Variants in RHBDL2 observed in about 807,000 individuals in gnomAD.
RHBDL2 encodes the protein rhomboid like 2, also known as rhomboid-related protein 2.
A neutral mutation model predicts 31.7 loss-of-function variants in RHBDL2; 26 were observed. The observed-to-expected ratio is 0.82, with a 90% CI of 0.60 to 1.14. The LOEUF (loss-of-function observed/expected upper bound fraction) is 1.14, where lower values mean the gene tolerates loss of function less well. Among genes scored for constraint, RHBDL2 ranks in the 50% most tolerant of loss-of-function variants. The pLI is 0.00. For missense variants in RHBDL2, 336 were observed against 364.4 expected (o/e 0.92, Z 0.63); for synonymous variants, 123 against 127.2 (o/e 0.97, Z 0.22).
chr1:38,921,009 C>G (rs965278769), intron 1 of RHBDL2, among the ~76,000 whole-genome samples: 2 of 152,138 alleles, frequency 1.3e-5, no homozygotes, highest in Admixed American at 6.5e-5. Context: ...CTATGTTTAA[C>G]TTGTTGGGAA....
At chr1:38,929,312 C>T (rs1557623443) in intron 1 of RHBDL2, 4 of 999,708 alleles carry the variant, frequency 4.0e-6, no homozygotes, top group South Asian at 1.4e-5. Flanking sequence ...ACTGCTACGA[C>T]GAGGACTCTA....
At chr1:38,891,050 C>G (rs1642847036) in intron 6 of RHBDL2, among the ~76,000 whole-genome samples, 1 of 151,936 alleles carries the variant, frequency 6.6e-6, no homozygotes, top group African/African-American at 2.4e-5. Flanking sequence ...GAGTGGATCA[C>G]CTGAGGTCAG....
At chr1:38,917,948 TG>T (rs1229604918) in intron 2 of RHBDL2, among the ~76,000 whole-genome samples, 1 of 152,196 alleles carries the variant, frequency 6.6e-6, no homozygotes, top group East Asian at 1.9e-4. Context: ...ATACTGTGGG[TG>T]AGCCTTGTCT....
At chr1:38,902,931 T>G (rs1457475036) in intron 4 of RHBDL2, among the ~76,000 whole-genome samples, 5 of 152,170 alleles carry the variant, frequency 3.3e-5, no homozygotes, top group Admixed American at 3.3e-4. Context: ...AAATAACACA[T>G]TTTAAATAAC....
intron 1 of RHBDL2, chr1:38,927,037 G>C (rs963788048): frequency 1.3e-5 from 2 of 152,142 alleles, no homozygotes; most frequent in African/African-American, 4.8e-5. Context: ...AGAAAGGGAG[G>C]GAAAGAGACA....
rs111588024 is a variant in RHBDL2, at chr1:38,906,904, A to G, written c.508+4418T>C. ...AGCAAGAATTTCTATAGCTATAAAC[A>G]GAATTATTCTAACGCTTATATGGAA... is the stretch of plus-strand genomic sequence containing the variant. On this transcript the variant is annotated intron_variant, in intron 4 of 7. Transcript: ENST00000372990. Among the ~76,000 whole-genome samples, 37 of 152,334 alleles carry G rather than the reference A, an allele frequency of 2.4e-4. 1 individual carries two copies. The East Asian group carries it at 7.1e-3, about 29-fold the overall frequency.
At chr1:38,940,873 C>A (rs1475654741) in intron 1 of RHBDL2, among the ~76,000 whole-genome samples, 1 of 151,960 alleles carries the variant, frequency 6.6e-6, no homozygotes, top group African/African-American at 2.4e-5. Flanking sequence ...GCAGCCTGGG[C>A]AAGGTAGCAA....
intron 4 of RHBDL2, among the ~76,000 whole-genome samples, chr1:38,897,776 T>TAGAGAACTGG (rs111915520): frequency 3.3e-5 from 5 of 152,160 alleles, no homozygotes; most frequent in African/African-American, 1.2e-4. Context: ...ATTCAGGACT[T>TAGAGAACTGG]AGAGAACTGG....
At chr1:38,920,315 C>A (rs1477847937) in intron 1 of RHBDL2, among the ~76,000 whole-genome samples, 1 of 151,162 alleles carries the variant, frequency 6.6e-6, no homozygotes, top group African/African-American at 2.4e-5. Flanking sequence ...TTATGGGCAC[C>A]CGGCACCACA....
At chr1:38,918,812 G>A (rs544245344) in intron 2 of RHBDL2, among the ~76,000 whole-genome samples, 155 bp downstream of exon 2, 12 of 152,200 alleles carry the variant, frequency 7.9e-5, no homozygotes, top group African/African-American at 2.9e-4. Flanking sequence ...CAGCTGTGGG[G>A]AGAGCAGAGG....
chr1:38,908,853 A>T (rs1643103388), intron 4 of RHBDL2, among the ~76,000 whole-genome samples: 1 of 152,182 alleles, frequency 6.6e-6, no homozygotes. Context: ...TAATCCCAGG[A>T]TTCTTGCCTG....
At chr1:38,920,276 T>C (rs1037796084) in intron 1 of RHBDL2, among the ~76,000 whole-genome samples, 10 of 149,490 alleles carry the variant, frequency 6.7e-5, no homozygotes, top group African/African-American at 2.5e-4. Context: ...CAAGCGATTC[T>C]CCTGCCTCAG....
At chr1:38,893,815 C>T (rs1220392877) in intron 5 of RHBDL2, among the ~76,000 whole-genome samples, 1 of 152,104 alleles carries the variant, frequency 6.6e-6, no homozygotes, top group Non-Finnish European at 1.5e-5. Context: ...CTATAGCTCA[C>T]TGCAGCCTCG....
chr1:38,893,322 T>G lies in RHBDL2; in HGVS notation c.610-98A>C, dbSNP rs1642877230. On this transcript the variant is annotated intron_variant, in intron 5 of 7. Coordinates refer to ENST00000372990, the MANE Select transcript of RHBDL2 (RefSeq NM_017821.5). ...ATCTGCTCTTCATTTGAAATAATCT[T>G]CCAGTATCAAATATTTGCAAAACAA... 2.2e-5 allele frequency: 13 copies of G among 594,360 alleles called. No individual in the cohort carries two copies. In the East Asian group the frequency reaches 3.7e-4, roughly 17 times the overall value. The allele number at this position is 594,360 out of a possible 1,614,324, so 36.8% of individuals were successfully genotyped here.
chr1:38,908,545 C>CATATATCACT (rs1643098545), intron 4 of RHBDL2, among the ~76,000 whole-genome samples: 1 of 142,034 alleles, frequency 7.0e-6, no homozygotes, highest in South Asian at 2.3e-4. Flanking sequence ...AAACCATGAT[C>CATATATCACT]ATATATCACT....
At chr1:38,909,507 G>T (rs1044196858) in intron 4 of RHBDL2, among the ~76,000 whole-genome samples, 5 of 151,984 alleles carry the variant, frequency 3.3e-5, no homozygotes, top group African/African-American at 1.2e-4. Flanking sequence ...ATTTTGGGAG[G>T]CCAAGGTGTG....
At chr1:38,916,030 C>T (rs1456082020) in intron 2 of RHBDL2, among the ~76,000 whole-genome samples, 1 of 152,214 alleles carries the variant, frequency 6.6e-6, no homozygotes, top group East Asian at 1.9e-4. Flanking sequence ...TACCCACTGC[C>T]CTCATCGTCG....
At chr1:38,923,120 A>G (rs1029885142) in intron 1 of RHBDL2, among the ~76,000 whole-genome samples, 2 of 152,116 alleles carry the variant, frequency 1.3e-5, no homozygotes, top group African/African-American at 4.8e-5. Flanking sequence ...GGCTGAGAAT[A>G]TCCCATATTT....
chr1:38,920,570 CT>C (rs1310099486), intron 1 of RHBDL2, among the ~76,000 whole-genome samples: 4 of 150,504 alleles, frequency 2.7e-5, no homozygotes, highest in Admixed American at 1.3e-4. Flanking sequence ...TTGTTTCCAC[CT>C]TTTCGCTATT....
Sources: gnomAD v4.1 joint callset for allele counts (sites outside exome capture counted in the v4.1 genomes callset) on GRCh38, gnomAD v4.1.1 for gene constraint, MANE v1.5 for transcripts, NCBI Gene and HGNC (gene_info 2026-07-23, HGNC 2026-07-21) for gene names.